The following ZBTB40 variants were observed in gnomAD, a reference collection of about 807,000 sequenced individuals.
The protein encoded by ZBTB40 is zinc finger and BTB domain containing 40.
A neutral mutation model predicts 117.5 loss-of-function variants in ZBTB40; 60 were observed. That is an observed-to-expected ratio of 0.51 (90% CI 0.41 to 0.63). The LOEUF (loss-of-function observed/expected upper bound fraction) is 0.63. Among genes scored for constraint, ZBTB40 ranks in the 30% least tolerant of loss-of-function variants. ZBTB40 has a pLI of 0.00. For missense variants in ZBTB40, 1,287 were observed against 1,498.5 expected, an observed-to-expected ratio of 0.86 and a Z score of 2.33; for synonymous variants, 525 against 577.1, an observed-to-expected ratio of 0.91 and a Z score of 1.29.
At chr1:22,514,860 A>G (rs1014047611) in intron 12 of ZBTB40, among the ~76,000 whole-genome samples, 2 of 152,188 alleles carry the variant, frequency 1.3e-5, no homozygotes, top group Non-Finnish European at 2.9e-5. Flanking sequence ...TAGGCCTTCA[A>G]TCGATATTTG....
rs1208364276 is a variant in ZBTB40, at chr1:22,513,703, AAATAAT to A, written c.2668+585_2668+590del. 1.3e-5 allele frequency among the ~76,000 whole-genome samples: 2 copies of A among 152,094 alleles called. No individual in the cohort carries two copies. ...GCAACAGAGTGAGACTCCGTCTCAA[AAATAAT>A]AATAATAATAAATAAAATTAAAAAA... On this transcript the variant is annotated intron_variant, in intron 12 of 17. Coordinates refer to ENST00000375647, the MANE Select transcript of ZBTB40 (RefSeq NM_014870.4). The surrounding 1 kb of genome is among the most constrained non-coding windows in gnomAD (Gnocchi z 4.9).
At chr1:22,503,972 A>G (rs995458996) in intron 5 of ZBTB40, among the ~76,000 whole-genome samples, 3 of 152,250 alleles carry the variant, frequency 2.0e-5, no homozygotes, top group Non-Finnish European at 2.9e-5. Context: ...CTGCAGCAAG[A>G]TAGACCACAC....
chr1:22,457,709 GT>G, intron 1 of ZBTB40, among the ~76,000 whole-genome samples: 1 of 152,236 alleles, frequency 6.6e-6, no homozygotes, highest in Non-Finnish European at 1.5e-5. Context: ...GTTAGCTAGT[GT>G]TAGCTATAGT....
chr1:22,512,813 G>A (rs1639277040), intron 11 of ZBTB40, 111 bp from the exon 12 acceptor site: 14 of 1,268,384 alleles, frequency 1.1e-5, no homozygotes, highest in African/African-American at 1.5e-5. Flanking sequence ...GCTTCATGCT[G>A]TGCTTCCTCT....
intron 1 of ZBTB40, among the ~76,000 whole-genome samples, chr1:22,436,115 A>G (rs1047504216): frequency 1.3e-5 from 2 of 152,216 alleles, no homozygotes; most frequent in African/African-American, 4.8e-5. Context: ...ATAAAGGTGC[A>G]TAAACACCTC....
intron 1 of ZBTB40, among the ~76,000 whole-genome samples, chr1:22,434,837 GCT>G (rs1053213261): frequency 3.3e-5 from 5 of 151,942 alleles, no homozygotes; most frequent in African/African-American, 1.2e-4. Context: ...GGCAGGGCTG[GCT>G]CTCCACATTC....
intron 1 of ZBTB40, among the ~76,000 whole-genome samples, chr1:22,474,953 A>AAAC (rs1553132304): frequency 6.6e-6 from 1 of 151,836 alleles, no homozygotes; most frequent in Non-Finnish European, 1.5e-5. Context: ...TAAAAAAAAA[A>AAAC]AAAACAGGTA....
Position 22,530,945 on chromosome 1 carries a change from G to A in ZBTB40, c.*4549G>A, listed in dbSNP as rs1357959950. The A allele has an allele frequency of 6.6e-6, 1 of 152,166 alleles. No homozygotes were observed. Among genetic ancestry groups the A allele is most frequent in the Non-Finnish European group, 1.5e-5 (1 of 68,034 alleles). The allele number at this position is 152,166 out of a possible 1,614,324, so 9.4% of individuals were successfully genotyped here. ...GAGCACAGGCTTTGGTGTCCAGCCTGGGTACATCCAGCTGTCCCGCTGTCT... is the reference window on the plus strand; with the variant it reads ...GAGCACAGGCTTTGGTGTCCAGCCTAGGTACATCCAGCTGTCCCGCTGTCT... On this transcript the variant is annotated 3_prime_UTR_variant, in exon 18 of 18. Coordinates refer to ENST00000375647, the MANE Select transcript of ZBTB40 (RefSeq NM_014870.4).
Position 22,509,007 on chromosome 1 carries a change from A to G in ZBTB40, c.1700-93A>G, listed in dbSNP as rs964687960. ...CTCAGATAGGAGATAGGGGAAATGC[A>G]TTTTCATTATGAAGAGTTGAGTGGA... is the stretch of plus-strand genomic sequence containing the variant. On this transcript the variant is annotated intron_variant, in intron 8 of 17. Transcript: ENST00000375647. The G allele has an allele frequency of 1.4e-5, 22 of 1,602,544 alleles. 1 individual carries two copies. In the Middle Eastern group the frequency reaches 9.9e-4, roughly 72 times the overall value.
chr1:22,477,206 A>G (rs902735904), intron 1 of ZBTB40, among the ~76,000 whole-genome samples: 1 of 152,138 alleles, frequency 6.6e-6, no homozygotes, highest in African/African-American at 2.4e-5. Context: ...TTAATTGTTT[A>G]TTTACAGATA....
chr1:22,459,385 A>G (rs1641080427), intron 1 of ZBTB40, among the ~76,000 whole-genome samples: 1 of 152,202 alleles, frequency 6.6e-6, no homozygotes, highest in Non-Finnish European at 1.5e-5. Flanking sequence ...TTATCTTAGT[A>G]TTTGGTTTGA....
At chr1:22,471,176 A>G (rs1641394609) in intron 1 of ZBTB40, among the ~76,000 whole-genome samples, 2 of 152,258 alleles carry the variant, frequency 1.3e-5, no homozygotes, top group South Asian at 4.1e-4. Context: ...CATCTTGGAA[A>G]GTCTTCTGGC....
At chr1:22,472,885 A>C (rs1194340309) in intron 1 of ZBTB40, among the ~76,000 whole-genome samples, 2 of 152,216 alleles carry the variant, frequency 1.3e-5, no homozygotes, top group Admixed American at 6.5e-5. Context: ...GCTGGAATGC[A>C]TTCCAAAAGA....
chr1:22,522,846 A>G (rs1358339345), intron 16 of ZBTB40, among the ~76,000 whole-genome samples: 2 of 151,170 alleles, frequency 1.3e-5, no homozygotes, highest in African/African-American at 4.9e-5. Context: ...GATCACTGCA[A>G]CCTCCATCTC....
At chr1:22,462,743 C>G (rs887458002) in intron 1 of ZBTB40, among the ~76,000 whole-genome samples, 5 of 152,172 alleles carry the variant, frequency 3.3e-5, no homozygotes, top group African/African-American at 1.2e-4. Context: ...CTGATTATAG[C>G]CCAGCCGTCT....
Position 22,490,161 on chromosome 1 carries a change from T to C in ZBTB40, c.213T>C (p.Phe71=), listed in dbSNP as rs753177805. 3 of 1,614,148 alleles carry C rather than the reference T, an allele frequency of 1.9e-6. No individual in the cohort carries two copies. The East Asian group carries it at 6.7e-5, about 36-fold the overall frequency. Residue 71 remains phenylalanine, a synonymous_variant, in exon 2 of 18, where the codon TTT becomes TTC. Coordinates refer to ENST00000375647, the MANE Select transcript of ZBTB40 (RefSeq NM_014870.4). ...IDASVVSPEE[F]ALLLEMMYTG... is the part of the protein sequence containing the mutation. ...CATCTGTGGTGAGCCCCGAGGAGTT[T>C]GCGCTCTTGTTGGAAATGATGTACA...
chr1:22,446,055 T>A (rs918389931), intron 1 of ZBTB40, among the ~76,000 whole-genome samples: 1 of 151,726 alleles, frequency 6.6e-6, no homozygotes, highest in Non-Finnish European at 1.5e-5. Context: ...ATGAACAATG[T>A]AAATAAAGAG....
intron 3 of ZBTB40, among the ~76,000 whole-genome samples, chr1:22,492,577 G>T (rs779668034): frequency 2.0e-5 from 3 of 152,208 alleles, no homozygotes; most frequent in Non-Finnish European, 4.4e-5. Flanking sequence ...ATCCTCCCAT[G>T]TTGCTATAGG....
upstream of ZBTB40, among the ~76,000 whole-genome samples, chr1:22,450,132 C>CG (rs1276456416): frequency 4.6e-5 from 7 of 151,854 alleles, no homozygotes; most frequent in Non-Finnish European, 1.0e-4. Flanking sequence ...TTAGTAGAGA[C>CG]GGGGGTTTCA....
Sources: allele counts gnomAD v4.1 joint callset (sites outside exome capture counted in the v4.1 genomes callset), GRCh38; gene constraint gnomAD v4.1.1; non-coding constraint Gnocchi (gnomAD v3.1); transcripts MANE v1.5; gene names NCBI Gene and HGNC (gene_info 2026-07-23, HGNC 2026-07-21).